P4HA1: variants seen among roughly 807,000 people sequenced by gnomAD.
P4HA1 encodes prolyl 4-hydroxylase subunit alpha 1, also known as prolyl 4-hydroxylase subunit alpha-1.
A neutral mutation model predicts 72.8 loss-of-function variants in P4HA1; 24 were observed. The ratio of observed to expected loss-of-function variants is 0.33; its 90% CI spans 0.24 to 0.46. The LOEUF (loss-of-function observed/expected upper bound fraction) is 0.46, where lower values mean the gene tolerates loss of function less well. Among genes scored for constraint, P4HA1 ranks in the 20% least tolerant of loss-of-function variants. The probability of loss-of-function intolerance (pLI) is 1.00; values close to 1 mark genes in which losing one functional copy is unlikely to be tolerated. For missense variants in P4HA1, 446 were observed against 640.6 expected (o/e 0.70, Z 3.28); for synonymous variants, 201 against 218.8 (o/e 0.92, Z 0.72).
Position 73,085,386 on chromosome 10 carries a change from A to ATT in P4HA1, c.-32-10473_-32-10472dup, listed in dbSNP as rs143726385. ...TATATAAAGAACTTAGAACTCAATA[A>ATT]TTTTTTTTTTTTTTGAGACAGAGTT... is the stretch of plus-strand genomic sequence containing the variant. On this transcript the variant is annotated intron_variant, in intron 1 of 14. Transcript: ENST00000394890. 3.5e-4 allele frequency among the ~76,000 whole-genome samples: 51 copies of ATT among 146,678 alleles called. 1 individual carries two copies. Among genetic ancestry groups the ATT allele is most frequent in the East Asian group, 1.8e-3 (9 of 5,058 alleles).
chr10:73,047,129 A>C lies in P4HA1; in HGVS notation c.901-28T>G, dbSNP rs201104824. 1.2e-4 allele frequency: 181 copies of C among 1,470,348 alleles called. 1 individual carries two copies. In the African/African-American group the frequency reaches 2.2e-3, roughly 18 times the overall value. The allele number at this position is 1,470,348 out of a possible 1,614,324, so 91.1% of individuals were successfully genotyped here. A position where few individuals can be genotyped will look rare whatever the true frequency, so the allele number is the denominator to read the frequency against. On this transcript the variant is annotated intron_variant, in intron 7 of 14. Coordinates refer to ENST00000394890, the MANE Select transcript of P4HA1 (RefSeq NM_001017962.3). ...AAACATAAAGTTAAGAATATGATGA[A>C]TATATTACAGTAATAATACTTTTAA...
At chr10:73,072,294 A>C (rs1564634659) in intron 3 of P4HA1, 114 bp from the exon 4 acceptor site, 1 of 769,316 alleles carries the variant, frequency 1.3e-6, no homozygotes, top group Non-Finnish European at 2.1e-6. Flanking sequence ...CTATATCTGT[A>C]GTTTCTTTTT....
chr10:73,032,464 TCAAA>T (rs1435063282), intron 9 of P4HA1, among the ~76,000 whole-genome samples: 3 of 152,200 alleles, frequency 2.0e-5, no homozygotes, highest in Non-Finnish European at 4.4e-5. Flanking sequence ...GGAAACTCTC[TCAAA>T]CACTCATTCT....
intron 1 of P4HA1, among the ~76,000 whole-genome samples, chr10:73,093,025 CAGA>C: frequency 6.6e-6 from 1 of 151,328 alleles, no homozygotes; most frequent in South Asian, 2.1e-4. Flanking sequence ...GAGGCTGAGG[CAGA>C]AGGATTGCTT....
chr10:73,078,623 T>A (rs1042045661), intron 1 of P4HA1, among the ~76,000 whole-genome samples: 28 of 144,088 alleles, frequency 1.9e-4, no homozygotes, highest in African/African-American at 7.0e-4. Flanking sequence ...TTTTTTTTTT[T>A]TTTTTGGAGA....
At chr10:73,025,158 A>G (rs1840235389) in intron 10 of P4HA1, among the ~76,000 whole-genome samples, 1 of 152,188 alleles carries the variant, frequency 6.6e-6, no homozygotes, top group African/African-American at 2.4e-5. Flanking sequence ...CCTGATACCA[A>G]AGCCTGGCAG....
intron 10 of P4HA1, among the ~76,000 whole-genome samples, chr10:73,023,564 G>A (rs745541166): frequency 4.6e-5 from 7 of 152,102 alleles, no homozygotes; most frequent in Admixed American, 6.6e-5. Flanking sequence ...AAAGACCATC[G>A]ATGCTATGAA....
Position 73,008,028 on chromosome 10 carries a change from A to C in P4HA1, c.*194T>G. 1 of 370,782 alleles carries C rather than the reference A, an allele frequency of 2.7e-6. No homozygotes were observed. The highest frequency in any genetic ancestry group is 3.3e-5 in the African/African-American group (1 of 30,360). 23.0% of individuals were successfully genotyped at this position (370,782 alleles called of 1,614,324 possible). On this transcript the variant is annotated 3_prime_UTR_variant, in exon 15 of 15. Transcript: ENST00000394890. ...ACAGAACTTTAAGGTTTTATGCAATATGATGATTTCGTGTTACTTTTAAAA... is the reference window on the plus strand; with the variant it reads ...ACAGAACTTTAAGGTTTTATGCAATCTGATGATTTCGTGTTACTTTTAAAA...
At chr10:73,049,130 AG>A (rs1464180404) in intron 7 of P4HA1, among the ~76,000 whole-genome samples, 4 of 152,058 alleles carry the variant, frequency 2.6e-5, no homozygotes, top group Admixed American at 1.3e-4. Flanking sequence ...GAAAAAAAAA[AG>A]AAAATAATGA....
intron 4 of P4HA1, among the ~76,000 whole-genome samples, chr10:73,070,891 G>A (rs1287022803): frequency 6.6e-6 from 1 of 152,062 alleles, no homozygotes; most frequent in East Asian, 1.9e-4. Context: ...TTTAAAAAAT[G>A]GTTCAGGGGC....
intron 9 of P4HA1, among the ~76,000 whole-genome samples, chr10:73,032,797 A>T (rs949579341): frequency 6.6e-6 from 1 of 152,196 alleles, no homozygotes; most frequent in African/African-American, 2.4e-5. Context: ...AGAGCAAGAG[A>T]GAGTGTGTGG....
chr10:73,014,454 T>C (rs1839973054), intron 11 of P4HA1, among the ~76,000 whole-genome samples, 165 bp from the exon 12 acceptor site: 1 of 152,202 alleles, frequency 6.6e-6, no homozygotes, highest in South Asian at 2.1e-4. Flanking sequence ...GCAATCTTTT[T>C]GTAAGATGGA....
intron 1 of P4HA1, among the ~76,000 whole-genome samples, chr10:73,089,850 CA>C (rs1841993241): frequency 6.6e-6 from 1 of 151,928 alleles, no homozygotes; most frequent in South Asian, 2.1e-4. Flanking sequence ...GAAGGGATTA[CA>C]AAAAGTCATA....
chr10:73,090,921 G>A (rs980406838), intron 1 of P4HA1, among the ~76,000 whole-genome samples: 1 of 151,692 alleles, frequency 6.6e-6, no homozygotes, highest in South Asian at 2.1e-4. Context: ...AAGTAGTCGG[G>A]CGTGGTGGCG....
intron 5 of P4HA1, among the ~76,000 whole-genome samples, chr10:73,064,111 A>C (rs1006921176): frequency 6.6e-6 from 1 of 152,200 alleles, no homozygotes; most frequent in Non-Finnish European, 1.5e-5. Flanking sequence ...AATTGAATAT[A>C]ATAAACCAAA....
chr10:73,026,067 G>A (rs1384319706), intron 10 of P4HA1, among the ~76,000 whole-genome samples: 1 of 152,148 alleles, frequency 6.6e-6, no homozygotes, highest in Non-Finnish European at 1.5e-5. Flanking sequence ...TCCCCATCAA[G>A]CTACCAATGA....
At chr10:73,025,704 T>C (rs1023582943) in intron 10 of P4HA1, among the ~76,000 whole-genome samples, 6 of 152,004 alleles carry the variant, frequency 3.9e-5, no homozygotes, top group Non-Finnish European at 8.8e-5. Context: ...GATTGTATAT[T>C]TAGAAAACCC....
Position 73,058,774 on chromosome 10 carries a change from C to CTTTTTT in P4HA1, c.464-5190_464-5185dup, listed in dbSNP as rs151028824. Reference sequence around the variant, plus strand: ...AGTACATAACAGTATTTATAGTATGCTTTTTTTTTTTTTTTTTTTTGAGAC... The same window carrying CTTTTTT: ...AGTACATAACAGTATTTATAGTATGCTTTTTTTTTTTTTTTTTTTTTTTTTTGAGAC... On this transcript the variant is annotated intron_variant, in intron 5 of 14. Transcript: ENST00000394890. Among the ~76,000 whole-genome samples the CTTTTTT allele has an allele frequency of 3.2e-3, 400 of 123,790 alleles. 11 individuals carry two copies. The highest frequency in any genetic ancestry group is 0.011 in the African/African-American group (356 of 31,218). 81.2% of individuals were successfully genotyped at this position (123,790 alleles called of 152,430 possible).
Position 73,070,142 on chromosome 10 carries a change from C to CTTTT in P4HA1, c.326-1163_326-1160dup, listed in dbSNP as rs71021546. ...TATTTTGAACAGCAAGAGACCAGGC[C>CTTTT]TTTTTTTTTTTTTTTTTTTTTTTTT... On this transcript the variant is annotated intron_variant, in intron 4 of 14. Coordinates refer to ENST00000394890, the MANE Select transcript of P4HA1 (RefSeq NM_001017962.3). 4.4e-3 allele frequency among the ~76,000 whole-genome samples: 283 copies of CTTTT among 64,498 alleles called. 23 individuals carry two copies. The highest frequency in any genetic ancestry group is 0.014 in the East Asian group (27 of 1,892). 42.3% of individuals were successfully genotyped at this position (64,498 alleles called of 152,430 possible). A position where few individuals can be genotyped will look rare whatever the true frequency, so the allele number is the denominator to read the frequency against.
Sources: allele counts gnomAD v4.1 joint callset (sites outside exome capture counted in the v4.1 genomes callset), GRCh38; gene constraint gnomAD v4.1.1; transcripts MANE v1.5; gene names NCBI Gene and HGNC (gene_info 2026-07-23, HGNC 2026-07-21).